Variants in SLC16A4 observed in about 807,000 individuals in gnomAD.
SLC16A4 encodes the protein probable monocarboxylate transporter 5.
A neutral mutation model predicts 47.9 loss-of-function variants in SLC16A4; 39 were observed. That is an observed-to-expected ratio of 0.81 (90% CI 0.63 to 1.06). The LOEUF (loss-of-function observed/expected upper bound fraction) is 1.06. Ranked by LOEUF, SLC16A4 falls within the 50% of genes least tolerant of loss-of-function variation. The probability of loss-of-function intolerance (pLI) is 0.00; values close to 1 mark genes in which losing one functional copy is unlikely to be tolerated. For missense variants in SLC16A4, 524 were observed against 573.8 expected (o/e 0.91, Z 0.89); for synonymous variants, 189 against 199.9 (o/e 0.95, Z 0.46).
In SLC16A4 at chr1:110,377,148, C is replaced by G. The variant is rs375269097; in HGVS notation, c.1044G>C (p.Thr348=). Residue 348 remains threonine (T), a synonymous_variant, in exon 7 of 9, where the codon ACG becomes ACC. Coordinates refer to ENST00000369779, the MANE Select transcript of SLC16A4 (RefSeq NM_004696.3). ...YLVSVAGILE[T]VSQIISGWVA... ...CCCATCCAGAAATAATCTGACTGAC[C>G]GTCTCAAGGATACCTGGAACAATAT... The G allele has an allele frequency of 2.5e-6, 4 of 1,613,468 alleles. No homozygotes were observed. In the African/African-American group the frequency reaches 5.3e-5, roughly 22 times the overall value.
At chr1:110,372,950 T>G (rs994770712) in intron 8 of SLC16A4, 1 of 151,900 alleles carries the variant, frequency 6.6e-6, no homozygotes, top group East Asian at 1.9e-4. Context: ...ATTACATAGG[T>G]GTGTGTGTGT....
chr1:110,382,083 T>A (rs1662431601), intron 3 of SLC16A4, among the ~76,000 whole-genome samples: 1 of 152,236 alleles, frequency 6.6e-6, no homozygotes, highest in African/African-American at 2.4e-5. Flanking sequence ...TTGCATCTAG[T>A]GGTCAATGAC....
intron 8 of SLC16A4, among the ~76,000 whole-genome samples, chr1:110,364,418 G>T (rs978456918): frequency 6.6e-6 from 1 of 151,798 alleles, no homozygotes; most frequent in Non-Finnish European, 1.5e-5. Context: ...GGTGCAGGAG[G>T]CTATCAGAAG....
At chr1:110,390,100 C>T (rs1557918135) in intron 1 of SLC16A4, among the ~76,000 whole-genome samples, 1 of 152,180 alleles carries the variant, frequency 6.6e-6, no homozygotes, top group African/African-American at 2.4e-5. Context: ...TATAAAACCA[C>T]TTGTAATTTT....
intron 8 of SLC16A4, among the ~76,000 whole-genome samples, chr1:110,369,588 C>G (rs997519927): frequency 2.6e-5 from 4 of 152,016 alleles, no homozygotes; most frequent in African/African-American, 9.7e-5. Flanking sequence ...GACTCCATCT[C>G]AAAACAAAAA....
intron 2 of SLC16A4, among the ~76,000 whole-genome samples, chr1:110,388,260 C>A (rs814759): frequency 6.6e-6 from 1 of 152,022 alleles, no homozygotes; most frequent in Non-Finnish European, 1.5e-5. Flanking sequence ...GATCACCACT[C>A]TCACACCTCA....
At chr1:110,380,869 C>G (rs1026342088) in intron 5 of SLC16A4, 113 bp downstream of exon 5, 7 of 896,898 alleles carry the variant, frequency 7.8e-6, no homozygotes, top group East Asian at 2.4e-5. Context: ...TCCTCTCTTG[C>G]AATACCTTGT....
chr1:110,378,745 C>T, intron 6 of SLC16A4, 108 bp downstream of exon 6: 3 of 1,424,520 alleles, frequency 2.1e-6, no homozygotes, highest in Non-Finnish European at 2.8e-6. Flanking sequence ...TCTGGCCCTT[C>T]TACAATTCCT....
chr1:110,363,489 G>C lies in SLC16A4; in HGVS notation c.*277C>G, dbSNP rs1244931655. 1.5e-5 allele frequency: 3 copies of C among 195,266 alleles called. No homozygotes were observed. Among genetic ancestry groups the C allele is most frequent in the Non-Finnish European group, 3.1e-5 (3 of 95,998 alleles). The allele number at this position is 195,266 out of a possible 1,614,324, so 12.1% of individuals were successfully genotyped here. ...AAAATACAAAAAATTAGCTGGGTGT[G>C]GTGGCGTGTGCCTGTAGTCCCAGCT... On this transcript the variant is annotated 3_prime_UTR_variant, in exon 9 of 9. Transcript: ENST00000369779.
Position 110,382,846 on chromosome 1 carries a change from G to A in SLC16A4, c.208C>T (p.Arg70Cys), listed in dbSNP as rs775222939. 13 of 1,603,276 alleles carry A rather than the reference G, an allele frequency of 8.1e-6. No homozygotes were observed. Among genetic ancestry groups the A allele is most frequent in the African/African-American group, 6.7e-5 (5 of 74,628 alleles). The change falls in exon 3 of 9, where the codon CGT (arginine) becomes TGT (cysteine). Residue 70 changes from arginine to cysteine, a missense_variant. By Grantham distance (180) the Arg-to-Cys change is radical. Transcript: ENST00000369779. Reference sequence around the variant, plus strand: ...GCCAGCTTTATACCTGCACAAAAACGAAGAGATGACATGATGGATCCAATC... The same window carrying A: ...GCCAGCTTTATACCTGCACAAAAACAAAGAGATGACATGATGGATCCAATC... ...GWIGSIMSSL[R>C]FCAGPLVAII...
At position 110,380,978 on chromosome 1, in the gene SLC16A4, G is replaced by A. The variant is rs374437460; in HGVS notation, c.526+4C>T. On this transcript the variant is annotated splice_donor_region_variant and intron_variant, in intron 5 of 8. Transcript: ENST00000369779. ...TGATAGTAAATAAACTTAGAATGAC[G>A]TACCTGTCCAGTCATACAGATCTAT... 213 of 1,612,480 alleles carry A rather than the reference G, an allele frequency of 1.3e-4. No individual in the cohort carries two copies. The highest frequency in any genetic ancestry group is 3.5e-4 in the Admixed American group (21 of 59,974).
At chr1:110,375,340 G>A (rs1661932791) in intron 8 of SLC16A4, 118 bp downstream of exon 8, 2 of 670,880 alleles carry the variant, frequency 3.0e-6, no homozygotes, top group African/African-American at 1.8e-5. Flanking sequence ...TATAGGAAAA[G>A]CAGAAATAAT....
intron 2 of SLC16A4, 22 bp downstream of exon 2, chr1:110,389,215 G>C (rs567169294): frequency 6.3e-7 from 1 of 1,587,390 alleles, no homozygotes; most frequent in East Asian, 2.2e-5. Flanking sequence ...AATAGGAAAG[G>C]GGGAAAAAAG....
At chr1:110,390,066 GA>G (rs577854078) in intron 1 of SLC16A4, among the ~76,000 whole-genome samples, 4 of 151,398 alleles carry the variant, frequency 2.6e-5, no homozygotes, top group Admixed American at 2.6e-4. Flanking sequence ...ATACAAAACA[GA>G]AAAAAAACCT....
chr1:110,367,369 G>A (rs568708532), intron 8 of SLC16A4, among the ~76,000 whole-genome samples: 6 of 152,254 alleles, frequency 3.9e-5, no homozygotes, highest in South Asian at 2.1e-4. Context: ...TTGGCCAGGC[G>A]TGACGGCTCA....
At chr1:110,364,409 G>T (rs1467961224) in intron 8 of SLC16A4, among the ~76,000 whole-genome samples, 1 of 151,902 alleles carries the variant, frequency 6.6e-6, no homozygotes, top group Non-Finnish European at 1.5e-5. Flanking sequence ...TGAAGGGAAG[G>T]TGCAGGAGGC....
At chr1:110,364,499 CTTTTT>C (rs34416973) in intron 8 of SLC16A4, among the ~76,000 whole-genome samples, 2 of 104,678 alleles carry the variant, frequency 1.9e-5, no homozygotes, top group Admixed American at 1.1e-4. Context: ...AATCTAAATG[CTTTTT>C]TTTTTTTTTT....
intron 5 of SLC16A4, 93 bp downstream of exon 5, chr1:110,380,889 T>C (rs1242669410): frequency 9.1e-7 from 1 of 1,094,538 alleles, no homozygotes; most frequent in Non-Finnish European, 1.4e-6. Flanking sequence ...TGAAATCGAT[T>C]GCTCTGAAAG....
chr1:110,368,471 A>G (rs1401449995), intron 8 of SLC16A4, among the ~76,000 whole-genome samples: 23 of 152,224 alleles, frequency 1.5e-4, no homozygotes, highest in Admixed American at 1.5e-3. Flanking sequence ...CCTGAGATGC[A>G]TGTTAATAAT....
Sources: allele counts gnomAD v4.1 joint callset (sites outside exome capture counted in the v4.1 genomes callset), GRCh38; gene constraint gnomAD v4.1.1; transcripts MANE v1.5; gene names NCBI Gene and HGNC (gene_info 2026-07-23, HGNC 2026-07-21).